Variants in ISM2 observed in about 807,000 individuals in gnomAD.
ISM2 encodes isthmin 2.
Under a neutral mutation model 58.0 loss-of-function variants are expected in ISM2, and 50 were observed. That is an observed-to-expected ratio of 0.86 (90% CI 0.69 to 1.09). ISM2 has a LOEUF of 1.09. ISM2 is among the 50% of genes least tolerant of loss of function. ISM2 has a pLI of 0.00. For missense variants in ISM2, 723 were observed against 745.0 expected (o/e 0.97, Z 0.34); for synonymous variants, 303 against 312.4 (o/e 0.97, Z 0.32).
In ISM2 at chr14:77,475,112, G is replaced by GC. The variant is rs5809832; in HGVS notation, c.*482dup. On this transcript the variant is annotated 3_prime_UTR_variant, in exon 7 of 7. Coordinates refer to ENST00000342219, the MANE Select transcript of ISM2 (RefSeq NM_199296.3). The surrounding 1 kb of genome is among the most constrained non-coding windows in gnomAD (Gnocchi z 4.1). ...GGAGGGGTGGCCACCCAGGCTGGATGCCCCCCCCGGCAAAGGATGGCTGTG... is the reference window on the plus strand; with the variant it reads ...GGAGGGGTGGCCACCCAGGCTGGATGCCCCCCCCCGGCAAAGGATGGCTGTG... The GC allele has an allele frequency of 1.2e-4, 18 of 152,512 alleles. No individual in the cohort carries two copies. The highest frequency in any genetic ancestry group is 3.6e-4 in the African/African-American group (15 of 41,420). 9.4% of individuals were successfully genotyped at this position (152,512 alleles called of 1,614,324 possible).
intron 1 of ISM2, among the ~76,000 whole-genome samples, chr14:77,490,338 A>T (rs2139969118): frequency 6.6e-6 from 1 of 152,300 alleles, no homozygotes; most frequent in East Asian, 1.9e-4. Flanking sequence ...CCCCACAAAA[A>T]ATGTGGCCAG....
At chr14:77,481,977 G>A (rs1238423423) in intron 4 of ISM2, among the ~76,000 whole-genome samples, 1 of 151,864 alleles carries the variant, frequency 6.6e-6, no homozygotes, top group Non-Finnish European at 1.5e-5. Context: ...GTATGCACCT[G>A]TGGTTCCAGC....
At chr14:77,497,163 C>G (rs1289878395) in intron 1 of ISM2, among the ~76,000 whole-genome samples, 1 of 151,142 alleles carries the variant, frequency 6.6e-6, no homozygotes, top group Admixed American at 6.6e-5. Context: ...AGGTCAGGAG[C>G]TCAAGACCGG....
Position 77,484,869 on chromosome 14 carries a change from T to C in ISM2, c.192A>G (p.Pro64=). Residue 64 remains proline (P), a synonymous_variant, in exon 2 of 7, where the codon CCA becomes CCG. Coordinates refer to ENST00000342219, the MANE Select transcript of ISM2 (RefSeq NM_199296.3). Reference sequence around the variant, plus strand: ...CCTGCAGGTGGGTTCTGGGGAGCAGTGGTGCCTCCTCCTCTTCCTTCAGAG... The same window carrying C: ...CCTGCAGGTGGGTTCTGGGGAGCAGCGGTGCCTCCTCCTCTTCCTTCAGAG... ...PRPLKEEEEA[P]LLPRTHLQAE... is the part of the protein sequence containing the mutation. 6.3e-7 allele frequency: 1 copy of C among 1,590,164 alleles called. No individual in the cohort carries two copies. The highest frequency in any genetic ancestry group is 8.6e-7 in the Non-Finnish European group (1 of 1,168,336).
At chr14:77,476,198 G>A (rs2139952364) in intron 6 of ISM2, 86 bp from the exon 7 acceptor site, 3 of 1,407,918 alleles carry the variant, frequency 2.1e-6, no homozygotes, top group African/African-American at 1.4e-5. Flanking sequence ...GCCAGTGCAT[G>A]GGGAGAGAAG....
At chr14:77,495,250 G>T (rs1033310761) in intron 1 of ISM2, among the ~76,000 whole-genome samples, 1 of 152,046 alleles carries the variant, frequency 6.6e-6, no homozygotes, top group African/African-American at 2.4e-5. Context: ...TGACCCACTG[G>T]GACCAGAACT....
chr14:77,481,028 A>C (rs1271337406), intron 4 of ISM2, among the ~76,000 whole-genome samples: 1 of 152,122 alleles, frequency 6.6e-6, no homozygotes, highest in Non-Finnish European at 1.5e-5. Context: ...AACCTGAACC[A>C]CAATACGCAA....
chr14:77,484,649 G>A, intron 2 of ISM2, 28 bp downstream of exon 2: 1 of 1,610,522 alleles, frequency 6.2e-7, no homozygotes, highest in Non-Finnish European at 8.5e-7. Flanking sequence ...GCAGAGCCAG[G>A]AGCTGCTGGC....
At chr14:77,496,137 C>T (rs1353091631) in intron 1 of ISM2, among the ~76,000 whole-genome samples, 2 of 146,462 alleles carry the variant, frequency 1.4e-5, no homozygotes, top group East Asian at 2.0e-4. Flanking sequence ...ATCGCTTGAA[C>T]TTGGAAGGTG....
intron 1 of ISM2, among the ~76,000 whole-genome samples, chr14:77,488,508 G>A (rs918942846): frequency 2.0e-5 from 3 of 152,212 alleles, no homozygotes; most frequent in African/African-American, 4.8e-5. Flanking sequence ...GTGGAAATGA[G>A]TTCAGGCTGG....
chr14:77,487,944 A>C (rs918652789), intron 1 of ISM2, among the ~76,000 whole-genome samples: 1 of 152,162 alleles, frequency 6.6e-6, no homozygotes. Context: ...TGGGGCTAGA[A>C]GGGAGGATTT....
intron 1 of ISM2, among the ~76,000 whole-genome samples, chr14:77,487,243 T>TTAAATAAATAAATAAA (rs35003981): frequency 0.017 from 2,461 of 144,080 alleles, 55 homozygotes; most frequent in African/African-American, 0.049. Context: ...AGAATCCATC[T>TTAAATAAATAAATAAA]TAAATAAATA....
chr14:77,484,059 T>C (rs886455037), intron 3 of ISM2: 2 of 388,478 alleles, frequency 5.1e-6, no homozygotes, highest in African/African-American at 4.1e-5. Flanking sequence ...CCCTGCTGGG[T>C]TGGTGCTGTT....
At chr14:77,491,281 T>C (rs2079202215) in intron 1 of ISM2, among the ~76,000 whole-genome samples, 1 of 152,190 alleles carries the variant, frequency 6.6e-6, no homozygotes, top group African/African-American at 2.4e-5. Flanking sequence ...GCTTCTTTCA[T>C]GGCCATTTAA....
At position 77,486,152 on chromosome 14, in the gene ISM2, A is replaced by T. The variant is rs1192009947; in HGVS notation, c.142-1233T>A. Among the ~76,000 whole-genome samples the T allele has an allele frequency of 3.3e-5, 5 of 152,358 alleles. No homozygotes were observed. In the East Asian group the frequency reaches 9.6e-4, roughly 29 times the overall value. On this transcript the variant is annotated intron_variant, in intron 1 of 6. Coordinates refer to ENST00000342219, the MANE Select transcript of ISM2 (RefSeq NM_199296.3). ...ACAGACATTTAGCGATAAAGCCAGG[A>T]TTTAAACCAGGCAGTCTGGGCCTAG...
At chr14:77,488,015 C>G (rs2079178766) in intron 1 of ISM2, among the ~76,000 whole-genome samples, 1 of 152,188 alleles carries the variant, frequency 6.6e-6, no homozygotes, top group South Asian at 2.1e-4. Context: ...GGGATCAGGG[C>G]CGGGCACCCA....
rs376183945 is a variant in ISM2, at chr14:77,475,826, G to A, written c.1485C>T (p.Asp495=). ...CACGGGTCAGCAGCCGGCTGTCCTC[G>A]TCATAGCAGCAGTGCTGGGCGGCCA... The part of the protein sequence containing the change: ...STLAAQHCCY[D]EDSRLLTRGK... The change falls in exon 7 of 7, where the codon GAC becomes GAT. Residue 495 remains aspartate (D), a synonymous_variant. Coordinates refer to ENST00000342219, the MANE Select transcript of ISM2 (RefSeq NM_199296.3). This position sits in a 1 kb window ranked among gnomAD's most constrained non-coding sequence, Gnocchi z 4.1. 52 of 1,612,256 alleles carry A rather than the reference G, an allele frequency of 3.2e-5. No individual in the cohort carries two copies. In the East Asian group the frequency reaches 7.6e-4, roughly 23 times the overall value.
chr14:77,486,264 T>C (rs936948861), intron 1 of ISM2, among the ~76,000 whole-genome samples: 6 of 60,064 alleles, frequency 1.0e-4, no homozygotes, highest in African/African-American at 2.3e-4. Context: ...AGTTTCTCAC[T>C]CTTACTTTTT....
At chr14:77,492,851 G>A (rs144500853) in intron 1 of ISM2, among the ~76,000 whole-genome samples, 4 of 152,186 alleles carry the variant, frequency 2.6e-5, no homozygotes, top group East Asian at 3.9e-4. Context: ...AAAATTAGCC[G>A]GGCATGGTGG....
Sources: gnomAD v4.1 joint callset for allele counts (sites outside exome capture counted in the v4.1 genomes callset) on GRCh38, gnomAD v4.1.1 for gene constraint, Gnocchi (gnomAD v3.1) non-coding constraint, MANE v1.5 for transcripts, NCBI Gene and HGNC (gene_info 2026-07-23, HGNC 2026-07-21) for gene names.